Variants in P4HA3 observed in about 807,000 individuals in gnomAD.
P4HA3 encodes prolyl 4-hydroxylase subunit alpha-3.
Under a neutral mutation model 66.7 loss-of-function variants are expected in P4HA3, and 60 were observed. The observed-to-expected ratio is 0.90, with a 90% CI of 0.73 to 1.12. P4HA3 has a LOEUF of 1.12. P4HA3 is among the 50% of genes most tolerant of loss of function. P4HA3 has a pLI of 0.00. For synonymous variants in P4HA3, 263 were observed against 274.6 expected, an observed-to-expected ratio of 0.96 and a Z score of 0.42; for missense variants, 683 against 685.8, an observed-to-expected ratio of 1.00 and a Z score of 0.05.
At chr11:74,285,730 G>A (rs1223443291) in intron 7 of P4HA3, 79 bp downstream of exon 7, 1 of 1,434,316 alleles carries the variant, frequency 7.0e-7, no homozygotes, top group Non-Finnish European at 9.5e-7. Flanking sequence ...AGTTGTTCAG[G>A]TTGCCTATTC....
intron 11 of P4HA3, among the ~76,000 whole-genome samples, chr11:74,269,071 C>T (rs1249294622): frequency 6.6e-6 from 1 of 152,184 alleles, no homozygotes; most frequent in African/African-American, 2.4e-5. Flanking sequence ...GGAATGATCT[C>T]GTTTAGTTAT....
At position 74,286,346 on chromosome 11, in the gene P4HA3, C is replaced by T. The variant is rs763162545; in HGVS notation, c.815G>A (p.Arg272Lys). ...RMARNVLKYE[R>K]LLAESPNHVV... is the part of the protein sequence containing the mutation. ...GTGGTTGGGGCTCTCTGCCAAGAGC[C>T]TTTCATATTTCAAGACATTCCTGGC... Residue 272 changes from arginine (R) to lysine (K), a missense_variant, in exon 6 of 13, where the codon AGG (arginine) becomes AAG (lysine). Physicochemically the swap from Arg to Lys is conservative, Grantham distance 26. Transcript: ENST00000331597. 1.9e-6 allele frequency: 3 copies of T among 1,586,476 alleles called. No homozygotes were observed. Among genetic ancestry groups the T allele is most frequent in the Non-Finnish European group, 2.6e-6 (3 of 1,168,216 alleles).
At chr11:74,255,999 C>T (rs1859822768) in intron 15 of P4HA3, 2 of 499,814 alleles carry the variant, frequency 4.0e-6, no homozygotes, top group Non-Finnish European at 8.0e-6. Flanking sequence ...TTTTCAGGGG[C>T]ACTCAGGTTC....
At chr11:74,288,280 G>A (rs1043672617) in intron 5 of P4HA3, among the ~76,000 whole-genome samples, 4 of 152,142 alleles carry the variant, frequency 2.6e-5, no homozygotes, top group African/African-American at 9.7e-5. Flanking sequence ...CTACTGGCTG[G>A]GCAGGATGCA....
At chr11:74,287,726 A>C (rs1860848442) in intron 5 of P4HA3, among the ~76,000 whole-genome samples, 1 of 152,234 alleles carries the variant, frequency 6.6e-6, no homozygotes, top group Non-Finnish European at 1.5e-5. Flanking sequence ...TTTGTATCTC[A>C]TTGTAGTATC....
intron 2 of P4HA3, among the ~76,000 whole-genome samples, chr11:74,303,414 C>G (rs561697515): frequency 6.6e-6 from 1 of 151,100 alleles, no homozygotes; most frequent in Admixed American, 6.6e-5. Context: ...TGTGCCTCAG[C>G]TTCCCAAGTC....
chr11:74,255,349 CTCA>C (rs1445574010), intron 15 of P4HA3, among the ~76,000 whole-genome samples: 3 of 152,194 alleles, frequency 2.0e-5, no homozygotes, highest in African/African-American at 2.4e-5. Context: ...TAGCTTAGGC[CTCA>C]TCATCTCTCA....
At chr11:74,252,019 G>T (rs1343269757) in intron 15 of P4HA3, among the ~76,000 whole-genome samples, 1 of 151,814 alleles carries the variant, frequency 6.6e-6, no homozygotes, top group Non-Finnish European at 1.5e-5. Flanking sequence ...ATAGGAATCA[G>T]TCCTTTTCCA....
downstream of P4HA3, among the ~76,000 whole-genome samples, chr11:74,265,499 T>C (rs907197746): frequency 6.6e-6 from 1 of 152,236 alleles, no homozygotes; most frequent in Non-Finnish European, 1.5e-5. Context: ...GGCTTCCTTA[T>C]GAGCAATACA....
At chr11:74,286,075 T>G in intron 6 of P4HA3, 90 bp from the exon 7 acceptor site, 1 of 1,500,584 alleles carries the variant, frequency 6.7e-7, no homozygotes, top group Admixed American at 1.8e-5. Context: ...AAAATTGGAA[T>G]GCAAGAGATA....
chr11:74,289,135 T>TAAAAAA lies in P4HA3; in HGVS notation c.718-11_718-6dup. 5 of 1,377,802 alleles carry TAAAAAA rather than the reference T, an allele frequency of 3.6e-6. No individual in the cohort carries two copies. Among genetic ancestry groups the TAAAAAA allele is most frequent in the Non-Finnish European group, 2.0e-6 (2 of 1,023,712 alleles). 85.3% of individuals were successfully genotyped at this position (1,377,802 alleles called of 1,614,324 possible). ...GGCACACGAAACATTTCCTGCCTGTTAAAAAAAAAAAAAAGAAAAGAAAGC... is the reference window on the plus strand; with the variant it reads ...GGCACACGAAACATTTCCTGCCTGTTAAAAAAAAAAAAAAAAAAAAGAAAAGAAAGC... On this transcript the variant is annotated splice_polypyrimidine_tract_variant and splice_region_variant and intron_variant, in intron 4 of 12. Coordinates refer to ENST00000331597, the MANE Select transcript of P4HA3 (RefSeq NM_182904.5).
intron 1 of P4HA3, 120 bp from the exon 2 acceptor site, chr11:74,304,532 C>T: frequency 8.3e-7 from 1 of 1,198,146 alleles, no homozygotes; most frequent in Admixed American, 2.2e-5. Context: ...TCTTGAGATT[C>T]ACATAATAGT....
intron 9 of P4HA3, among the ~76,000 whole-genome samples, chr11:74,276,695 G>A (rs965563366): frequency 2.8e-4 from 43 of 152,146 alleles, no homozygotes; most frequent in Admixed American, 2.3e-3. Flanking sequence ...AGTTACTGGA[G>A]GAAGGACAAT....
At chr11:74,271,568 C>T (rs1488276163) in intron 10 of P4HA3, among the ~76,000 whole-genome samples, 1 of 151,870 alleles carries the variant, frequency 6.6e-6, no homozygotes, top group African/African-American at 2.4e-5. Flanking sequence ...CACTATGTTA[C>T]CCAGGCTGGA....
intron 15 of P4HA3, among the ~76,000 whole-genome samples, chr11:74,259,240 G>A (rs1285857086): frequency 6.6e-6 from 1 of 152,156 alleles, no homozygotes; most frequent in South Asian, 2.1e-4. Context: ...TTAGCCGGGT[G>A]TGGTGGTGGG....
At chr11:74,256,072 C>A in intron 15 of P4HA3, 1 of 423,522 alleles carries the variant, frequency 2.4e-6, no homozygotes, top group Non-Finnish European at 4.9e-6. Context: ...ATTTAATCTT[C>A]ACAGCAACTC....
chr11:74,255,400 C>T (rs578100577), intron 15 of P4HA3, among the ~76,000 whole-genome samples: 5 of 152,322 alleles, frequency 3.3e-5, no homozygotes, highest in East Asian at 3.9e-4. Context: ...CCTCCTCCCC[C>T]CTGGGTGGTC....
intron 15 of P4HA3, among the ~76,000 whole-genome samples, chr11:74,255,520 T>C (rs1255925129): frequency 6.6e-6 from 1 of 152,224 alleles, no homozygotes; most frequent in Non-Finnish European, 1.5e-5. Flanking sequence ...ACTTTCTCTC[T>C]GCTGTAGTTC....
intron 4 of P4HA3, among the ~76,000 whole-genome samples, chr11:74,295,883 A>G (rs941493595): frequency 2.0e-5 from 3 of 152,232 alleles, no homozygotes; most frequent in African/African-American, 7.2e-5. Context: ...ATATTAACTC[A>G]AGGTCATAGC....
Sources: gnomAD v4.1 joint callset for allele counts (sites outside exome capture counted in the v4.1 genomes callset) on GRCh38, gnomAD v4.1.1 for gene constraint, MANE v1.5 for transcripts, NCBI Gene and HGNC (gene_info 2026-07-23, HGNC 2026-07-21) for gene names.